The following INO80 variants were observed in gnomAD, a reference collection of about 807,000 sequenced individuals.
The protein encoded by INO80 is chromatin-remodeling ATPase INO80.
Under a neutral mutation model 203.4 loss-of-function variants are expected in INO80, and 20 were observed. The ratio of observed to expected loss-of-function variants is 0.10; its 90% confidence interval spans 0.07 to 0.14. The LOEUF is 0.14. Among genes scored for constraint, INO80 ranks in the 10% least tolerant of loss-of-function variants. The pLI is 1.00. For synonymous variants in INO80, 726 were observed against 685.2 expected, an observed-to-expected ratio of 1.06 and a Z score of -0.93; for missense variants, 1,419 against 1,914.4, an observed-to-expected ratio of 0.74 and a Z score of 4.83.
At chr15:41,023,100 CA>C (rs5812181) in intron 25 of INO80, 183,898 of 301,934 alleles carry the variant, frequency 0.61, 42,499 homozygotes, top group African/African-American at 0.71. Context: ...CAGACTGTCT[CA>C]AAAAAAAAAA....
intron 23 of INO80, among the ~76,000 whole-genome samples, chr15:41,047,104 A>G (rs1020898049): frequency 1.3e-5 from 2 of 151,830 alleles, no homozygotes; most frequent in African/African-American, 4.8e-5. Context: ...AGTAGCTGGA[A>G]TTACAGGCAT....
intron 1 of INO80, among the ~76,000 whole-genome samples, chr15:41,098,950 T>C (rs760568813): frequency 6.6e-6 from 1 of 151,502 alleles, no homozygotes. Context: ...CCCACTAGAA[T>C]AATAAAAAAG....
chr15:41,065,678 C>T (rs537641576), intron 14 of INO80, among the ~76,000 whole-genome samples: 2 of 152,124 alleles, frequency 1.3e-5, no homozygotes, highest in South Asian at 2.1e-4. Context: ...TATATATATA[C>T]ACAATGGAAT....
intron 4 of INO80, 45 bp downstream of exon 4, chr15:41,095,556 T>C: frequency 1.5e-6 from 2 of 1,369,248 alleles, no homozygotes; most frequent in East Asian, 2.3e-5. Flanking sequence ...TATTAGTAAC[T>C]TTAGTAGACT....
intron 28 of INO80, among the ~76,000 whole-genome samples, chr15:41,000,706 C>CAAAAAAAAAAA (rs58232890): frequency 5.3e-5 from 3 of 56,824 alleles, no homozygotes; most frequent in Non-Finnish European, 1.0e-4. Context: ...CACCCTGTCT[C>CAAAAAAAAAAA]AAAAAAAAAA....
At chr15:40,988,245 A>C (rs2043767873) in intron 29 of INO80, among the ~76,000 whole-genome samples, 1 of 152,218 alleles carries the variant, frequency 6.6e-6, no homozygotes, top group Non-Finnish European at 1.5e-5. Context: ...TGTTTAGTAC[A>C]TTAATAACAT....
intron 27 of INO80, among the ~76,000 whole-genome samples, chr15:41,012,753 A>T (rs1194556604): frequency 6.6e-6 from 1 of 152,038 alleles, no homozygotes; most frequent in Non-Finnish European, 1.5e-5. Flanking sequence ...CCCATTTGTT[A>T]CAGCAAAAGC....
At chr15:41,103,082 C>T (rs754259279) in intron 1 of INO80, among the ~76,000 whole-genome samples, 7 of 152,110 alleles carry the variant, frequency 4.6e-5, no homozygotes, top group Non-Finnish European at 8.8e-5. Flanking sequence ...TCATATGCCT[C>T]CACAGCAGCT....
At chr15:41,003,573 G>A (rs1450722064) in intron 28 of INO80, among the ~76,000 whole-genome samples, 4 of 151,660 alleles carry the variant, frequency 2.6e-5, no homozygotes, top group Non-Finnish European at 5.9e-5. Context: ...CAGATGACCC[G>A]CCCACCTCGG....
At chr15:41,023,110 AAAAAAAAAGTT>A (rs2044319354) in intron 25 of INO80, 1 of 360,414 alleles carries the variant, frequency 2.8e-6, no homozygotes, top group African/African-American at 2.1e-5. Flanking sequence ...CAAAAAAAAA[AAAAAAAAAGTT>A]AAAAAAAGAA....
chr15:40,991,641 C>T (rs2043817995), intron 29 of INO80, among the ~76,000 whole-genome samples: 1 of 152,054 alleles, frequency 6.6e-6, no homozygotes, highest in Admixed American at 6.6e-5. Context: ...GCCTTCATGA[C>T]ATTGTAAACA....
At chr15:41,062,828 G>A (rs2045136248) in intron 14 of INO80, among the ~76,000 whole-genome samples, 1 of 152,116 alleles carries the variant, frequency 6.6e-6, no homozygotes, top group African/African-American at 2.4e-5. Flanking sequence ...CAGGCCCTCT[G>A]GAACTATAAC....
chr15:41,022,797 C>A (rs1044105070), intron 25 of INO80, among the ~76,000 whole-genome samples: 1 of 152,132 alleles, frequency 6.6e-6, no homozygotes, highest in African/African-American at 2.4e-5. Flanking sequence ...CACCTTTATC[C>A]TCTCCAAAAG....
At chr15:41,038,767 G>C (rs912866367) in intron 24 of INO80, among the ~76,000 whole-genome samples, 1 of 152,106 alleles carries the variant, frequency 6.6e-6, no homozygotes, top group East Asian at 1.9e-4. Flanking sequence ...ATGGATTGCT[G>C]CCTCCATTCT....
intron 28 of INO80, chr15:40,999,440 G>C (rs953020737): frequency 6.6e-6 from 1 of 152,198 alleles, no homozygotes; most frequent in Non-Finnish European, 1.5e-5. Context: ...TAATCACTAA[G>C]GTAGGTATGT....
At chr15:41,039,450 T>G (rs148717969) in intron 24 of INO80, among the ~76,000 whole-genome samples, 1 of 152,248 alleles carries the variant, frequency 6.6e-6, no homozygotes, top group South Asian at 2.1e-4. Flanking sequence ...ATTTTCAATA[T>G]GTGCATGAGT....
At position 41,095,914 on chromosome 15, in the gene INO80, T is replaced by C. The variant is rs375659877; in HGVS notation, c.158A>G (p.Asp53Gly). 3 of 1,613,650 alleles carry C rather than the reference T, an allele frequency of 1.9e-6. No homozygotes were observed. In the African/African-American group the frequency reaches 4.0e-5, roughly 22 times the overall value. The change falls in exon 3 of 36, where the codon GAT becomes GGT. Residue 53 changes from aspartate (D) to glycine (G), a missense_variant. By Grantham distance (94) the Asp-to-Gly change is moderately conservative. This residue lies in a region of INO80 where 323 missense variants were observed against 325.4 expected (regional missense o/e 0.99). Transcript: ENST00000648947. ...TAATGGATTACTGTCATCCAGTCCA[T>C]CTTCACTGTCATCACTATAAATTGA... Reference protein sequence around the residue: ...NRNISSDDSEDGLDDSNPLLP... With the variant: ...NRNISSDDSEGGLDDSNPLLP...
Position 41,079,833 on chromosome 15 carries a change from C to A in INO80, c.999G>T (p.Leu333Phe). The change falls in exon 9 of 36, where the codon TTG becomes TTT. Residue 333 changes from leucine (L) to phenylalanine (F), a missense_variant. Coordinates refer to ENST00000648947, the MANE Select transcript of INO80 (RefSeq NM_017553.3). ...CCTTGGTGAGGCGGCGGGCACGAGG[C>A]AAGGTTTCCTTACAGTTCTTCTGGG... ...LQAQKNCKET[L>F]PRARRLTKEM... The A allele has an allele frequency of 6.2e-7, 1 of 1,614,132 alleles. No homozygotes were observed. Among genetic ancestry groups the A allele is most frequent in the Middle Eastern group, 1.6e-4 (1 of 6,062 alleles).
intron 31 of INO80, among the ~76,000 whole-genome samples, chr15:40,985,941 TTC>T (rs1402099536): frequency 6.6e-6 from 1 of 152,224 alleles, no homozygotes; most frequent in Non-Finnish European, 1.5e-5. Flanking sequence ...CCTCATGTTA[TTC>T]TTTTTCCCTT....
Sources: allele counts gnomAD v4.1 joint callset (sites outside exome capture counted in the v4.1 genomes callset), GRCh38; gene constraint gnomAD v4.1.1; regional missense constraint gnomAD v4.1.1; transcripts MANE v1.5; gene names NCBI Gene and HGNC (gene_info 2026-07-23, HGNC 2026-07-21).